Variants in DOCK1 observed in about 807,000 individuals in gnomAD.
The protein encoded by DOCK1 is dedicator of cytokinesis 1.
A neutral mutation model predicts 262.7 loss-of-function variants in DOCK1; 138 were observed. That is an observed-to-expected ratio of 0.53 (90% CI 0.46 to 0.61). The LOEUF is 0.61. DOCK1 is among the 20% of genes least tolerant of loss of function. DOCK1 has a pLI of 0.00. For missense variants in DOCK1, 1,908 were observed against 2,370.7 expected, an observed-to-expected ratio of 0.80 and a Z score of 4.05; for synonymous variants, 866 against 867.4, an observed-to-expected ratio of 1.00 and a Z score of 0.03.
intron 32 of DOCK1, among the ~76,000 whole-genome samples, chr10:127,356,437 G>C (rs56014739): frequency 1.3e-5 from 2 of 152,218 alleles, no homozygotes; most frequent in African/African-American, 4.8e-5. Context: ...GATGATCTCA[G>C]TAATAACGTG....
chr10:127,336,164 G>A (rs925365998), intron 29 of DOCK1, among the ~76,000 whole-genome samples: 1 of 152,042 alleles, frequency 6.6e-6, no homozygotes, highest in Non-Finnish European at 1.5e-5. Flanking sequence ...TTAGTCTCTG[G>A]TTATGTTTCT....
chr10:127,302,739 GGGGTGTGT>G (rs1194390819), intron 29 of DOCK1, among the ~76,000 whole-genome samples: 15,482 of 124,418 alleles, frequency 0.12, 909 homozygotes, highest in African/African-American at 0.16. Context: ...TGGAAAAGAG[GGGGTGTGT>G]GTGTGTGTGT....
At chr10:127,283,379 T>C (rs551500369) in intron 29 of DOCK1, among the ~76,000 whole-genome samples, 1 of 152,338 alleles carries the variant, frequency 6.6e-6, no homozygotes, top group East Asian at 1.9e-4. Flanking sequence ...TGTAGTCTTG[T>C]CACCAAGGAG....
At chr10:127,018,302 A>T (rs982925843) in intron 12 of DOCK1, among the ~76,000 whole-genome samples, 1 of 152,078 alleles carries the variant, frequency 6.6e-6, no homozygotes, top group South Asian at 2.1e-4. Flanking sequence ...CACCTCCAGA[A>T]TCCTCCCCTG....
At chr10:127,349,879 C>T (rs747575544) in intron 31 of DOCK1, among the ~76,000 whole-genome samples, 3 of 152,142 alleles carry the variant, frequency 2.0e-5, no homozygotes, top group Non-Finnish European at 2.9e-5. Context: ...CTCAATCTCC[C>T]TCTCCTTATA....
chr10:127,414,177 G>T (rs61612075), intron 43 of DOCK1, among the ~76,000 whole-genome samples: 1 of 152,156 alleles, frequency 6.6e-6, no homozygotes. Context: ...CTCCCAAAGT[G>T]CTGGGATTAC....
At chr10:127,083,052 C>A (rs761395228) in intron 23 of DOCK1, among the ~76,000 whole-genome samples, 61 of 152,204 alleles carry the variant, frequency 4.0e-4, no homozygotes, top group Non-Finnish European at 6.3e-4. Flanking sequence ...GTGGCCTGTC[C>A]TCTGTGCCAT....
intron 27 of DOCK1, among the ~76,000 whole-genome samples, chr10:127,160,868 C>A (rs1037753930): frequency 6.6e-6 from 1 of 152,114 alleles, no homozygotes; most frequent in Non-Finnish European, 1.5e-5. Flanking sequence ...GCATTCTTAC[C>A]CAGGTTTGTG....
chr10:127,042,745 A>G, intron 20 of DOCK1, 31 bp downstream of exon 20: 2 of 1,607,080 alleles, frequency 1.2e-6, no homozygotes, highest in African/African-American at 2.7e-5. Flanking sequence ...ATATGCTTGG[A>G]TAACACAGCG....
At chr10:127,359,860 C>T (rs2064326755) in intron 32 of DOCK1, among the ~76,000 whole-genome samples, 1 of 152,072 alleles carries the variant, frequency 6.6e-6, no homozygotes, top group African/African-American at 2.4e-5. Context: ...AATTTGGTTT[C>T]CTGATTGTGT....
intron 27 of DOCK1, among the ~76,000 whole-genome samples, chr10:127,154,303 C>G (rs954735531): frequency 6.6e-6 from 1 of 152,244 alleles, no homozygotes; most frequent in Admixed American, 6.5e-5. Flanking sequence ...CTCTACCCCA[C>G]CTGTCCTGCT....
rs1591278441 is a variant in DOCK1 at position 126,909,501 on chromosome 10, G to T, written c.46+3938G>T. Among the ~76,000 whole-genome samples the T allele has an allele frequency of 2.6e-5, 4 of 152,286 alleles. No homozygotes were observed. In the South Asian group the frequency reaches 8.3e-4, roughly 32 times the overall value. On this transcript the variant is annotated intron_variant, in intron 1 of 51. Coordinates refer to ENST00000623213, the MANE Select transcript of DOCK1 (RefSeq NM_001290223.2). ...CAGATGATGGGAGAGAAGCTTGCAG[G>T]GTGAGGCTCTCTTGCACCCTTGAGA...
chr10:126,932,014 A>G (rs924802753), intron 1 of DOCK1, among the ~76,000 whole-genome samples: 5 of 152,194 alleles, frequency 3.3e-5, no homozygotes, highest in Non-Finnish European at 7.3e-5. Context: ...CCACTGAGAC[A>G]GTTCATAGAA....
At chr10:127,186,503 A>ACC (rs1564883520) in intron 27 of DOCK1, among the ~76,000 whole-genome samples, 1 of 18,746 alleles carries the variant, frequency 5.3e-5, no homozygotes, top group African/African-American at 1.4e-4. Context: ...GCATGGGAGA[A>ACC]ACCGCCCCCC....
chr10:127,300,588 A>G (rs1049681157), intron 29 of DOCK1, among the ~76,000 whole-genome samples: 1 of 152,212 alleles, frequency 6.6e-6, no homozygotes, highest in African/African-American at 2.4e-5. Flanking sequence ...GTTACCAGTC[A>G]TGCTAGTATC....
chr10:126,980,126 C>T (rs188877008), intron 3 of DOCK1, among the ~76,000 whole-genome samples: 230 of 152,200 alleles, frequency 1.5e-3, no homozygotes, highest in African/African-American at 5.3e-3. Flanking sequence ...GGAGGTGTCC[C>T]GGATAACCAG....
chr10:127,030,500 C>T (rs2043165429), intron 16 of DOCK1, among the ~76,000 whole-genome samples: 1 of 152,222 alleles, frequency 6.6e-6, no homozygotes, highest in Admixed American at 6.5e-5. Context: ...ATGTGCTGTC[C>T]AGCTTCTCAG....
chr10:127,350,645 A>C (rs2063838698), intron 31 of DOCK1, among the ~76,000 whole-genome samples: 1 of 152,046 alleles, frequency 6.6e-6, no homozygotes. Context: ...TTATTTTATT[A>C]ATGTTCGTCT....
At chr10:126,949,516 C>A (rs1465469674) in intron 1 of DOCK1, among the ~76,000 whole-genome samples, 1 of 152,024 alleles carries the variant, frequency 6.6e-6, no homozygotes, top group African/African-American at 2.4e-5. Flanking sequence ...TTCCTTTTTC[C>A]CAGGGCATCA....
Sources: allele counts gnomAD v4.1 joint callset (sites outside exome capture counted in the v4.1 genomes callset), GRCh38; gene constraint gnomAD v4.1.1; transcripts MANE v1.5; gene names NCBI Gene and HGNC (gene_info 2026-07-23, HGNC 2026-07-21).